The following FRMD3 variants were observed in gnomAD, a reference collection of about 807,000 sequenced individuals.
The protein encoded by FRMD3 is FERM domain-containing protein 3.
A neutral mutation model predicts 70.2 loss-of-function variants in FRMD3; 33 were observed. That is an observed-to-expected ratio of 0.47 (90% CI 0.36 to 0.63). The LOEUF (loss-of-function observed/expected upper bound fraction) is 0.63, where lower values mean the gene tolerates loss of function less well. Among genes scored for constraint, FRMD3 ranks in the 20% least tolerant of loss-of-function variants. The pLI, the probability that FRMD3 is intolerant of heterozygous loss-of-function variation, is 0.00. For synonymous variants in FRMD3, 279 were observed against 255.9 expected, an observed-to-expected ratio of 1.09 and a Z score of -0.86; for missense variants, 632 against 711.4, an observed-to-expected ratio of 0.89 and a Z score of 1.27.
intron 1 of FRMD3, among the ~76,000 whole-genome samples, chr9:83,504,597 T>TC (rs35206692): frequency 5.9e-4 from 89 of 151,194 alleles, no homozygotes; most frequent in Middle Eastern, 3.4e-3. Context: ...TCATTTGACT[T>TC]CCCCCCCCAC....
intron 1 of FRMD3, among the ~76,000 whole-genome samples, chr9:83,507,147 C>T (rs1032383650): frequency 2.0e-5 from 3 of 147,492 alleles, no homozygotes; most frequent in African/African-American, 5.0e-5. Context: ...GATCACTTGA[C>T]GTCAGGAGTT....
chr9:83,526,345 T>C (rs574887208), intron 1 of FRMD3, among the ~76,000 whole-genome samples: 88 of 152,360 alleles, frequency 5.8e-4, no homozygotes, highest in South Asian at 1.9e-3. Flanking sequence ...TCTCCTGGAA[T>C]GGCATCGCCA....
the FRMD3 span, among the ~76,000 whole-genome samples, chr9:83,546,857 A>G: frequency 7.4e-6 from 1 of 135,000 alleles, no homozygotes; most frequent in East Asian, 2.2e-4. Flanking sequence ...GTGCCACTGC[A>G]CTCCAGCCTA....
intron 1 of FRMD3, among the ~76,000 whole-genome samples, chr9:83,496,788 AAAAC>A (rs1564104688): frequency 6.6e-6 from 1 of 152,202 alleles, no homozygotes; most frequent in Non-Finnish European, 1.5e-5. Flanking sequence ...TACAAAACTA[AAAAC>A]AAACAAAACA....
chr9:83,290,998 C>T (rs1440073188), intron 12 of FRMD3, among the ~76,000 whole-genome samples: 1 of 152,064 alleles, frequency 6.6e-6, no homozygotes, highest in Non-Finnish European at 1.5e-5. Context: ...TGCTAGGTGA[C>T]AGCCTGGGCG....
the FRMD3 span, among the ~76,000 whole-genome samples, chr9:83,582,558 A>G: frequency 6.6e-6 from 1 of 152,206 alleles, no homozygotes. Flanking sequence ...ACCAACTTGC[A>G]CATACAACAG....
rs1008528496 is a variant in FRMD3 at position 83,247,235 on chromosome 9, A to G, written c.*683T>C. The G allele has an allele frequency of 1.0e-6, 1 of 985,144 alleles. No individual in the cohort carries two copies. The highest frequency in any genetic ancestry group is 1.2e-6 in the Non-Finnish European group (1 of 829,894). 61.0% of individuals were successfully genotyped at this position (985,144 alleles called of 1,614,324 possible). A position where few individuals can be genotyped will look rare whatever the true frequency, so the allele number is the denominator to read the frequency against. ...TATAGTGTCTTTCTACCCATTTTCT[A>G]TCTCCTATGCAGATCATAACAAATT... On this transcript the variant is annotated 3_prime_UTR_variant, in exon 14 of 14. Coordinates refer to ENST00000304195, the MANE Select transcript of FRMD3 (RefSeq NM_174938.6).
chr9:83,534,314 T>C (rs1190094838), intron 1 of FRMD3, among the ~76,000 whole-genome samples: 1 of 152,214 alleles, frequency 6.6e-6, no homozygotes, highest in African/African-American at 2.4e-5. Context: ...CTTCCACATC[T>C]CTTATTGGAA....
At chr9:83,454,382 A>C (rs1827756534) in intron 1 of FRMD3, among the ~76,000 whole-genome samples, 1 of 152,226 alleles carries the variant, frequency 6.6e-6, no homozygotes, top group African/African-American at 2.4e-5. Flanking sequence ...GGGCACAGAT[A>C]CATGAAAGGC....
chr9:83,419,698 ATG>A (rs1272567344), intron 1 of FRMD3, among the ~76,000 whole-genome samples: 4 of 150,594 alleles, frequency 2.7e-5, no homozygotes, highest in Admixed American at 6.6e-5. Context: ...AGTGTGTGTG[ATG>A]TGTGTGTGTG....
At chr9:83,573,014 G>C in the FRMD3 span, among the ~76,000 whole-genome samples, 1 of 151,640 alleles carries the variant, frequency 6.6e-6, no homozygotes, top group Non-Finnish European at 1.5e-5. Flanking sequence ...GTCTATCCTG[G>C]GATTGCAGAA....
At chr9:83,453,711 ATTT>A (rs59376142) in intron 1 of FRMD3, among the ~76,000 whole-genome samples, 2,943 of 114,932 alleles carry the variant, frequency 0.026, 25 homozygotes, top group Non-Finnish European at 0.038. Flanking sequence ...GTTTGTTTTA[ATTT>A]TTTTTTTTTT....
chr9:83,562,898 C>G, the FRMD3 span, among the ~76,000 whole-genome samples: 18 of 151,842 alleles, frequency 1.2e-4, no homozygotes, highest in East Asian at 2.3e-3. Context: ...AATGCCCCCC[C>G]CCCAGCACAG....
chr9:83,281,217 T>C (rs1833963214), intron 13 of FRMD3, among the ~76,000 whole-genome samples: 1 of 152,152 alleles, frequency 6.6e-6, no homozygotes. Flanking sequence ...TGCAAGAAAA[T>C]AGAACCCCAT....
chr9:83,300,817 A>C (rs941655245), intron 10 of FRMD3, among the ~76,000 whole-genome samples: 1 of 152,230 alleles, frequency 6.6e-6, no homozygotes, highest in Non-Finnish European at 1.5e-5. Flanking sequence ...CAGATGTACG[A>C]AGGAGAATAA....
In FRMD3 at chr9:83,325,350, A is replaced by AG. The variant is rs774629288; in HGVS notation, c.596+10165dup. On this transcript the variant is annotated intron_variant, in intron 6 of 13. Transcript: ENST00000304195. Reference sequence around the variant, plus strand: ...TTTATTTAATTCGTTTATTTGAGGCAGGGTCTCACTCTATCGCCCAGGCTG... The same window carrying AG: ...TTTATTTAATTCGTTTATTTGAGGCAGGGGTCTCACTCTATCGCCCAGGCTG... 1.3e-4 allele frequency among the ~76,000 whole-genome samples: 20 copies of AG among 152,320 alleles called. No homozygotes were observed. The East Asian group carries it at 3.1e-3, about 24-fold the overall frequency.
At chr9:83,513,561 A>G (rs1266951008) in intron 1 of FRMD3, among the ~76,000 whole-genome samples, 2 of 152,234 alleles carry the variant, frequency 1.3e-5, no homozygotes, top group Non-Finnish European at 2.9e-5. Context: ...CTTAATCATT[A>G]TATGTCCTTT....
chr9:83,255,018 C>T (rs1832633433), intron 13 of FRMD3, among the ~76,000 whole-genome samples: 1 of 152,120 alleles, frequency 6.6e-6, no homozygotes, highest in Non-Finnish European at 1.5e-5. Flanking sequence ...GGACTTTTAC[C>T]TAACTCATTT....
At chr9:83,443,562 C>T (rs1453128020) in intron 1 of FRMD3, among the ~76,000 whole-genome samples, 5 of 152,138 alleles carry the variant, frequency 3.3e-5, no homozygotes, top group Non-Finnish European at 1.5e-5. Flanking sequence ...TGGGTTGGTT[C>T]CAAGTCTTTG....
Sources: allele counts gnomAD v4.1 joint callset (sites outside exome capture counted in the v4.1 genomes callset), GRCh38; gene constraint gnomAD v4.1.1; transcripts MANE v1.5; gene names NCBI Gene and HGNC (gene_info 2026-07-23, HGNC 2026-07-21).